The following BNC2 variants were observed in gnomAD, a reference collection of about 807,000 sequenced individuals.
BNC2 encodes basonuclin zinc finger protein 2, also known as zinc finger protein basonuclin-2.
Under a neutral mutation model 76.3 loss-of-function variants are expected in BNC2, and 20 were observed. That is an observed-to-expected ratio of 0.26 (90% confidence interval 0.18 to 0.38). The LOEUF (loss-of-function observed/expected upper bound fraction) is 0.38. Among genes scored for constraint, BNC2 ranks in the 10% least tolerant of loss-of-function variants. BNC2 has a pLI of 1.00. For missense variants in BNC2, 1,382 were observed against 1,399.8 expected, an observed-to-expected ratio of 0.99 and a Z score of 0.20; for synonymous variants, 582 against 514.8, an observed-to-expected ratio of 1.13 and a Z score of -1.77.
At chr9:16,707,417 T>C (rs1017587486) in intron 3 of BNC2, among the ~76,000 whole-genome samples, 2 of 152,128 alleles carry the variant, frequency 1.3e-5, no homozygotes, top group East Asian at 3.9e-4. Flanking sequence ...ACTTTTCTTC[T>C]TATATCAAGT....
intron 1 of BNC2, among the ~76,000 whole-genome samples, chr9:16,870,077 T>C (rs1308998924): frequency 2.6e-5 from 4 of 152,108 alleles, no homozygotes; most frequent in Admixed American, 2.0e-4. Flanking sequence ...CATCTCCATT[T>C]ACCACGGGAA....
In BNC2 at chr9:16,752,509, G is replaced by A. The variant is rs963274925; in HGVS notation, c.4-14024C>T. On this transcript the variant is annotated intron_variant, in intron 1 of 6. Transcript: ENST00000380672. ...ACCAGCTGACTGAAGCTGTGAATTA[G>A]TAGTTTAATCTTAGAAGTAAAATTC... Among the ~76,000 whole-genome samples, 33 of 152,208 alleles carry A rather than the reference G, an allele frequency of 2.2e-4. 1 individual carries two copies. The highest frequency in any genetic ancestry group is 1.5e-5 in the Non-Finnish European group (1 of 68,028).
intron 3 of BNC2, among the ~76,000 whole-genome samples, chr9:16,643,494 C>T (rs910593688): frequency 5.3e-5 from 8 of 151,900 alleles, no homozygotes; most frequent in African/African-American, 1.5e-4. Flanking sequence ...GAATCACCTA[C>T]GGAAAGTGAA....
intron 1 of BNC2, among the ~76,000 whole-genome samples, chr9:16,838,737 G>T (rs1818761745): frequency 6.6e-6 from 1 of 152,120 alleles, no homozygotes; most frequent in Non-Finnish European, 1.5e-5. Flanking sequence ...TCACCTGGTA[G>T]CTCACAGTTG....
rs1824250689 is a variant in BNC2 at position 16,724,329 on chromosome 9, T to C, written c.330+3468A>G. Among the ~76,000 whole-genome samples, 2 of 151,890 alleles carry C rather than the reference T, an allele frequency of 1.3e-5. 1 individual carries two copies. Among genetic ancestry groups the C allele is most frequent in the South Asian group, 4.1e-4 (2 of 4,828 alleles). On this transcript the variant is annotated intron_variant, in intron 3 of 6. Coordinates refer to ENST00000380672, the MANE Select transcript of BNC2 (RefSeq NM_017637.6). The stretch of plus-strand genomic sequence containing the variant: ...CAAATAGAAGAATTGCCTCCTCAAG[T>C]GTGATTAAAAAAAAAACTTTGAAAA...
intron 3 of BNC2, among the ~76,000 whole-genome samples, chr9:16,654,886 G>C (rs907708997): frequency 6.6e-6 from 1 of 152,102 alleles, no homozygotes; most frequent in Non-Finnish European, 1.5e-5. Context: ...TGGAGGTCTT[G>C]CACAAGTCTC....
intron 3 of BNC2, among the ~76,000 whole-genome samples, chr9:16,706,353 G>A (rs1823673086): frequency 1.3e-5 from 2 of 152,092 alleles, no homozygotes; most frequent in Non-Finnish European, 2.9e-5. Flanking sequence ...TGTAGTCATA[G>A]GCAATTCTAA....
At chr9:16,764,295 T>G (rs1422481134) in intron 1 of BNC2, among the ~76,000 whole-genome samples, 1 of 152,188 alleles carries the variant, frequency 6.6e-6, no homozygotes, top group East Asian at 1.9e-4. Context: ...ATTTTCTGCA[T>G]TAAGAAACAG....
chr9:16,775,732 AT>A, intron 1 of BNC2: 1 of 216,700 alleles, frequency 4.6e-6, no homozygotes, highest in South Asian at 9.6e-5. Context: ...TGTCATTCTC[AT>A]TTTCCAAGTC....
At chr9:16,535,899 A>C (rs1039161850) in intron 5 of BNC2, among the ~76,000 whole-genome samples, 3 of 152,150 alleles carry the variant, frequency 2.0e-5, no homozygotes, top group Non-Finnish European at 4.4e-5. Context: ...AACTATCTGC[A>C]GGTGAACAAG....
At chr9:16,774,464 G>A (rs1342728335) in intron 1 of BNC2, among the ~76,000 whole-genome samples, 1 of 152,120 alleles carries the variant, frequency 6.6e-6, no homozygotes, top group African/African-American at 2.4e-5. Flanking sequence ...ATTCTATCAG[G>A]CCTGACATAC....
intron 3 of BNC2, among the ~76,000 whole-genome samples, chr9:16,672,413 C>G (rs186631177): frequency 2.0e-5 from 3 of 152,058 alleles, no homozygotes; most frequent in African/African-American, 7.2e-5. Context: ...AGGAGAATGG[C>G]GTGAACCCGG....
chr9:16,638,462 A>T (rs2050617), intron 3 of BNC2, among the ~76,000 whole-genome samples: 86,944 of 151,988 alleles, frequency 0.57, 26,794 homozygotes, highest in African/African-American at 0.81. Context: ...GCATTAAGAA[A>T]GTTTAATAAT....
chr9:16,418,795 T>C lies in BNC2; in HGVS notation c.*194A>G. ...AACTATAAAGGGAAGTGAAAAAAAT[T>C]CAAAAGCACCTAGTGTTTATCTTGT... On this transcript the variant is annotated 3_prime_UTR_variant, in exon 7 of 7. Transcript: ENST00000380672. 1.5e-6 allele frequency: 1 copy of C among 655,824 alleles called. No individual in the cohort carries two copies. Among genetic ancestry groups the C allele is most frequent in the South Asian group, 2.0e-5 (1 of 51,136 alleles). The allele number at this position is 655,824 out of a possible 1,614,324, so 40.6% of individuals were successfully genotyped here.
Position 16,721,662 on chromosome 9 carries a change from C to T in BNC2, c.330+6135G>A, listed in dbSNP as rs991946567. 5.3e-5 allele frequency among the ~76,000 whole-genome samples: 8 copies of T among 152,264 alleles called. No individual in the cohort carries two copies. The South Asian group carries it at 6.2e-4, about 12-fold the overall frequency. ...ATAACAAACCAGGCTCCAAACCTAC[C>T]GTGAAAGGAAATCTTGGAACATTAT... On this transcript the variant is annotated intron_variant, in intron 3 of 6. Transcript: ENST00000380672.
At chr9:16,501,236 A>G (rs770417127) in intron 5 of BNC2, among the ~76,000 whole-genome samples, 4 of 152,174 alleles carry the variant, frequency 2.6e-5, no homozygotes, top group African/African-American at 7.2e-5. Context: ...CCTTTCAAAC[A>G]TTCTTCTGAA....
intron 1 of BNC2, among the ~76,000 whole-genome samples, chr9:16,744,223 C>G (rs1444734856): frequency 6.6e-6 from 1 of 152,170 alleles, no homozygotes; most frequent in Non-Finnish European, 1.5e-5. Context: ...CCTGCCTCAG[C>G]CTCCCAAAGT....
chr9:16,586,376 C>T (rs1353608366), intron 3 of BNC2, among the ~76,000 whole-genome samples: 2 of 152,174 alleles, frequency 1.3e-5, no homozygotes, highest in East Asian at 1.9e-4. Flanking sequence ...GCAACCAGTG[C>T]TCCCACTTCC....
chr9:16,494,176 C>T (rs560137147), intron 5 of BNC2, among the ~76,000 whole-genome samples: 20 of 151,578 alleles, frequency 1.3e-4, no homozygotes, highest in East Asian at 3.9e-4. Context: ...TTTTTGGAGA[C>T]GGAGTCTTGC....
Sources: allele counts gnomAD v4.1 joint callset (sites outside exome capture counted in the v4.1 genomes callset), GRCh38; gene constraint gnomAD v4.1.1; transcripts MANE v1.5; gene names NCBI Gene and HGNC (gene_info 2026-07-23, HGNC 2026-07-21).